The following CFAP91 variants were observed in gnomAD, a reference collection of about 807,000 sequenced individuals.
The protein encoded by CFAP91 is cilia and flagella associated protein 91, also known as cilia- and flagella-associated protein 91.
A neutral mutation model predicts 95.9 loss-of-function variants in CFAP91; 85 were observed. That is an observed-to-expected ratio of 0.89 (90% CI 0.74 to 1.06). CFAP91 has a LOEUF of 1.06. Ranked by LOEUF, CFAP91 falls within the 50% of genes least tolerant of loss-of-function variation. The pLI, the probability that CFAP91 is intolerant of heterozygous loss-of-function variation, is 0.00. For missense variants in CFAP91, 962 were observed against 943.4 expected (o/e 1.02, Z -0.26); for synonymous variants, 335 against 327.5 (o/e 1.02, Z -0.25).
chr3:119,744,744 T>C (rs1243642403), intron 14 of CFAP91, among the ~76,000 whole-genome samples: 3 of 152,172 alleles, frequency 2.0e-5, no homozygotes, highest in Non-Finnish European at 4.4e-5. Context: ...AGCAGAGGTA[T>C]TGTTTCAGTA....
intron 5 of CFAP91, chr3:119,710,097 A>T (rs2053446525): frequency 3.6e-6 from 2 of 549,050 alleles, no homozygotes; most frequent in Non-Finnish European, 6.4e-6. Context: ...CATCAAGTAT[A>T]TGGAGGGTAA....
At chr3:119,743,917 T>C in intron 13 of CFAP91, 58 bp from the exon 14 acceptor site, 9 of 1,434,990 alleles carry the variant, frequency 6.3e-6, no homozygotes, top group Non-Finnish European at 8.5e-6. Context: ...GCACTTCTTC[T>C]AATAATCACC....
chr3:119,736,270 T>TTTTTTTC (rs1170889570), intron 10 of CFAP91, among the ~76,000 whole-genome samples: 7 of 133,408 alleles, frequency 5.2e-5, no homozygotes, highest in African/African-American at 2.1e-4. Context: ...TTTCTATTGT[T>TTTTTTTC]TTTTTTTTTT....
intron 17 of CFAP91, among the ~76,000 whole-genome samples, chr3:119,760,484 CA>C (rs986060917): frequency 4.7e-4 from 72 of 151,616 alleles, no homozygotes; most frequent in African/African-American, 1.6e-3. Flanking sequence ...AACATCTAGA[CA>C]AAAAATCAAT....
Position 119,733,449 on chromosome 3 carries a change from A to G in CFAP91, c.1287A>G (p.Lys429=). 2 of 1,614,152 alleles carry G rather than the reference A, an allele frequency of 1.2e-6. No homozygotes were observed. The highest frequency in any genetic ancestry group is 1.7e-6 in the Non-Finnish European group (2 of 1,179,988). The change falls in exon 10 of 18, where the codon AAA becomes AAG. Residue 429 remains lysine, a synonymous_variant. Transcript: ENST00000273390. ...RAPKPKVITT[K]AGFLKRAARL... is the part of the protein sequence containing the mutation. ...CAAAACCTAAAGTCATTACCACCAA[A>G]GCTGGTTTTCTGAAGAGGGCAGCAA...
chr3:119,747,931 G>A, intron 16 of CFAP91, 29 bp downstream of exon 16: 2 of 1,515,044 alleles, frequency 1.3e-6, no homozygotes, highest in African/African-American at 1.4e-5. Context: ...TTTACTTTAG[G>A]ATTTTTTAAA....
intron 14 of CFAP91, among the ~76,000 whole-genome samples, chr3:119,745,457 G>A (rs1249242802): frequency 6.6e-6 from 1 of 152,298 alleles, no homozygotes; most frequent in African/African-American, 2.4e-5. Context: ...ACATTAGCAA[G>A]ACATAGAGGA....
chr3:119,709,610 C>T (rs996059004), intron 4 of CFAP91, among the ~76,000 whole-genome samples: 1 of 152,182 alleles, frequency 6.6e-6, no homozygotes, highest in Admixed American at 6.5e-5. Context: ...CATTCATTGG[C>T]TCTACCCTAT....
chr3:119,712,173 T>TTTCC (rs1374576058), intron 5 of CFAP91, among the ~76,000 whole-genome samples: 13 of 152,200 alleles, frequency 8.5e-5, no homozygotes, highest in African/African-American at 3.1e-4. Flanking sequence ...GGGAAAGGGA[T>TTTCC]CATTGCTCTT....
At chr3:119,754,365 A>G (rs1045897614) in intron 17 of CFAP91, among the ~76,000 whole-genome samples, 1 of 152,272 alleles carries the variant, frequency 6.6e-6, no homozygotes, top group Non-Finnish European at 1.5e-5. Context: ...GTGAATGGCA[A>G]GAGATGAATT....
At chr3:119,725,136 C>G (rs535195753) in intron 6 of CFAP91, among the ~76,000 whole-genome samples, 1 of 152,294 alleles carries the variant, frequency 6.6e-6, no homozygotes, top group Admixed American at 6.5e-5. Flanking sequence ...GTTCAGTGAT[C>G]AAACAGGAAA....
chr3:119,744,178 G>A lies in CFAP91; in HGVS notation c.1884G>A (p.Glu628=), dbSNP rs1413357088. ...TGGAAAAACAGCGCCTGCGGGAGGAGGACGAGATATTTAAGGAGGCAAGTA... is the reference window on the plus strand; with the variant it reads ...TGGAAAAACAGCGCCTGCGGGAGGAAGACGAGATATTTAAGGAGGCAAGTA... The part of the protein sequence containing the change: ...RQVEKQRLRE[E]DEIFKEVVKV... The change falls in exon 14 of 18, where the codon GAG becomes GAA. Residue 628 remains glutamate (E), a synonymous_variant. Coordinates refer to ENST00000273390, the MANE Select transcript of CFAP91 (RefSeq NM_033364.4). 4 of 1,612,554 alleles carry A rather than the reference G, an allele frequency of 2.5e-6. No individual in the cohort carries two copies. Among genetic ancestry groups the A allele is most frequent in the East Asian group, 2.2e-5 (1 of 44,868 alleles).
At chr3:119,755,347 G>A (rs1375225196) in intron 17 of CFAP91, among the ~76,000 whole-genome samples, 2 of 152,182 alleles carry the variant, frequency 1.3e-5, no homozygotes. Context: ...AACCCCCAAT[G>A]TGGTATTTGG....
At chr3:119,756,707 C>A (rs542109726) in intron 17 of CFAP91, among the ~76,000 whole-genome samples, 14 of 152,180 alleles carry the variant, frequency 9.2e-5, no homozygotes, top group African/African-American at 2.6e-4. Context: ...TGATCCATGA[C>A]AACTCAAGGA....
At chr3:119,746,768 G>C (rs28415065) in intron 14 of CFAP91, among the ~76,000 whole-genome samples, 2,420 of 152,290 alleles carry the variant, frequency 0.016, 58 homozygotes, top group African/African-American at 0.055. Flanking sequence ...GCTACAGTTA[G>C]ATAGTTTGAC....
At position 119,727,810 on chromosome 3, in the gene CFAP91, C is replaced by T. The variant is rs2053813191; in HGVS notation, c.860+1462C>T. Among the ~76,000 whole-genome samples, 3 of 152,152 alleles carry T rather than the reference C, an allele frequency of 2.0e-5. No homozygotes were observed. The South Asian group carries it at 6.2e-4, about 31-fold the overall frequency. On this transcript the variant is annotated intron_variant, in intron 7 of 17. Transcript: ENST00000273390. ...GAAAACTACTAAGAGGAGGTAGCTT[C>T]TGAGCTGGGTTTTGAAGGGTAGGTA...
At chr3:119,742,135 T>C (rs1203789887) in intron 13 of CFAP91, among the ~76,000 whole-genome samples, 1 of 152,224 alleles carries the variant, frequency 6.6e-6, no homozygotes, top group Non-Finnish European at 1.5e-5. Context: ...GCTTTTCAGC[T>C]CATTTATTCC....
chr3:119,719,065 AAT>A, intron 6 of CFAP91, among the ~76,000 whole-genome samples: 1 of 152,340 alleles, frequency 6.6e-6, no homozygotes, highest in Admixed American at 6.5e-5. Context: ...GGATGAATGA[AAT>A]ATAGTCTATT....
chr3:119,754,064 C>T (rs1191265593), intron 17 of CFAP91, among the ~76,000 whole-genome samples: 1 of 152,200 alleles, frequency 6.6e-6, no homozygotes, highest in Non-Finnish European at 1.5e-5. Context: ...TGGGAGTGGC[C>T]TTGCCACTGG....
Sources: allele counts gnomAD v4.1 joint callset (sites outside exome capture counted in the v4.1 genomes callset), GRCh38; gene constraint gnomAD v4.1.1; transcripts MANE v1.5; gene names NCBI Gene and HGNC (gene_info 2026-07-23, HGNC 2026-07-21).